TJP1: variants seen among roughly 807,000 people sequenced by gnomAD.
The protein encoded by TJP1 is tight junction protein 1, also known as tight junction protein ZO-1.
Under a neutral mutation model 194.2 loss-of-function variants are expected in TJP1, and 43 were observed. The observed-to-expected ratio is 0.22, with a 90% CI of 0.17 to 0.29. The LOEUF is 0.29. TJP1 is among the 10% of genes least tolerant of loss of function. The pLI is 1.00. For synonymous variants in TJP1, 801 were observed against 779.0 expected (o/e 1.03, Z -0.47); for missense variants, 1,971 against 2,185.7 (o/e 0.90, Z 1.96).
At chr15:29,778,117 G>C (rs761557414) in intron 2 of TJP1, among the ~76,000 whole-genome samples, 1 of 152,098 alleles carries the variant, frequency 6.6e-6, no homozygotes, top group African/African-American at 2.4e-5. Flanking sequence ...AATTACTTGT[G>C]AGCAAGTAAA....
At chr15:29,953,650 C>T (rs923299243) in intron 2 of TJP1, among the ~76,000 whole-genome samples, 8 of 151,938 alleles carry the variant, frequency 5.3e-5, no homozygotes, top group Admixed American at 2.0e-4. Flanking sequence ...ATGAAACATG[C>T]GCATTGTGAA....
intron 26 of TJP1, 75 bp downstream of exon 26, chr15:29,705,453 G>GCTTT: frequency 7.0e-7 from 1 of 1,429,170 alleles, no homozygotes; most frequent in East Asian, 2.4e-5. Flanking sequence ...TATTAGCCAA[G>GCTTT]CACTATAAGC....
chr15:29,771,952 T>C (rs2151633872), intron 4 of TJP1, 112 bp downstream of exon 4: 1 of 655,398 alleles, frequency 1.5e-6, no homozygotes. Context: ...CAAATAACTT[T>C]GGAACTATTG....
At chr15:29,809,085 A>C (rs945196368) in intron 1 of TJP1, among the ~76,000 whole-genome samples, 1 of 152,220 alleles carries the variant, frequency 6.6e-6, no homozygotes, top group Non-Finnish European at 1.5e-5. Context: ...GATATGTATT[A>C]TGATATGCTA....
intron 8 of TJP1, among the ~76,000 whole-genome samples, chr15:29,757,919 C>T (rs1329104720): frequency 1.3e-5 from 2 of 152,156 alleles, no homozygotes; most frequent in African/African-American, 4.8e-5. Context: ...ACCAACCTCT[C>T]CTATTCCTCA....
At chr15:29,908,325 G>A (rs1215978900) in intron 2 of TJP1, among the ~76,000 whole-genome samples, 3 of 152,116 alleles carry the variant, frequency 2.0e-5, no homozygotes, top group Admixed American at 2.0e-4. Flanking sequence ...GTAAAGGACT[G>A]GGATATCAGA....
chr15:29,956,567 A>G (rs569850031), intron 1 of TJP1, among the ~76,000 whole-genome samples: 131 of 152,330 alleles, frequency 8.6e-4, no homozygotes, highest in African/African-American at 3.0e-3. Context: ...TCTTGACAGG[A>G]TTCAAATAGT....
intron 15 of TJP1, among the ~76,000 whole-genome samples, chr15:29,731,805 A>C (rs930468465): frequency 6.9e-6 from 1 of 144,528 alleles, no homozygotes; most frequent in Non-Finnish European, 1.5e-5. Flanking sequence ...TTTGGCTTGG[A>C]AAAAAAAAAA....
At chr15:29,862,860 GGATGGTCGC>G (rs1329208804) in intron 2 of TJP1, among the ~76,000 whole-genome samples, 1 of 150,910 alleles carries the variant, frequency 6.6e-6, no homozygotes, top group Non-Finnish European at 1.5e-5. Flanking sequence ...GTGTTAGCCA[GGATGGTCGC>G]GATCTCCTGA....
At chr15:29,722,063 C>CAT (rs2042962221) in intron 18 of TJP1, among the ~76,000 whole-genome samples, 1 of 152,120 alleles carries the variant, frequency 6.6e-6, no homozygotes, top group Non-Finnish European at 1.5e-5. Context: ...TGAAGCAGAG[C>CAT]ATAAAAGTTT....
chr15:29,868,704 C>T (rs759730705), intron 2 of TJP1, among the ~76,000 whole-genome samples: 2 of 152,112 alleles, frequency 1.3e-5, no homozygotes, highest in Non-Finnish European at 2.9e-5. Context: ...ACAAAATAGC[C>T]CAAGTTTTAA....
At position 29,762,446 on chromosome 15, in the gene TJP1, A is replaced by C. The variant is rs1327395382; in HGVS notation, c.590-8T>G. The C allele has an allele frequency of 6.2e-7, 1 of 1,606,292 alleles. No homozygotes were observed. Among genetic ancestry groups the C allele is most frequent in the South Asian group, 1.1e-5 (1 of 90,646 alleles). ...CCAATCGAAGACCATATTCTGAAATAATGTAAGTAAGTGTTTTTAGTATAA... is the reference window on the plus strand; with the variant it reads ...CCAATCGAAGACCATATTCTGAAATCATGTAAGTAAGTGTTTTTAGTATAA... On this transcript the variant is annotated splice_region_variant and splice_polypyrimidine_tract_variant and intron_variant, in intron 5 of 27. Coordinates refer to ENST00000614355, the MANE Select transcript of TJP1 (RefSeq NM_001330239.4).
chr15:29,808,499 T>C (rs181228391), intron 1 of TJP1, among the ~76,000 whole-genome samples: 140 of 152,284 alleles, frequency 9.2e-4, no homozygotes, highest in African/African-American at 3.1e-3. Context: ...ATTTAAAAAT[T>C]CAAAATAAAG....
At chr15:29,805,548 A>C (rs1469785789) in intron 1 of TJP1, among the ~76,000 whole-genome samples, 3 of 152,112 alleles carry the variant, frequency 2.0e-5, no homozygotes, top group Admixed American at 6.6e-5. Context: ...TCATTCATTC[A>C]TTCAACAAAC....
At chr15:29,787,520 A>C (rs2047775653) in intron 2 of TJP1, among the ~76,000 whole-genome samples, 2 of 152,218 alleles carry the variant, frequency 1.3e-5, no homozygotes, top group Middle Eastern at 3.4e-3. Flanking sequence ...ATCATCTCTC[A>C]ATCCCCTAGC....
chr15:29,877,705 C>A (rs963935317), intron 2 of TJP1, among the ~76,000 whole-genome samples: 1 of 150,558 alleles, frequency 6.6e-6, no homozygotes, highest in South Asian at 2.1e-4. Context: ...GTTGCCCAGG[C>A]TGGAGTGCAG....
intron 16 of TJP1, among the ~76,000 whole-genome samples, chr15:29,727,370 A>C (rs576312112): frequency 3.1e-4 from 47 of 152,250 alleles, no homozygotes; most frequent in African/African-American, 7.7e-4. Context: ...ACAAACCAAA[A>C]CAAAACAAAA....
At chr15:29,773,662 G>A (rs1049185544) in intron 2 of TJP1, among the ~76,000 whole-genome samples, 3 of 152,238 alleles carry the variant, frequency 2.0e-5, no homozygotes, top group Non-Finnish European at 2.9e-5. Context: ...AAGAGGTCCT[G>A]AGGAGACTGG....
At chr15:29,927,653 G>C (rs1401887782) in intron 2 of TJP1, among the ~76,000 whole-genome samples, 3 of 152,180 alleles carry the variant, frequency 2.0e-5, no homozygotes, top group African/African-American at 7.2e-5. Flanking sequence ...GAATGGCCAA[G>C]CCAAGATACT....
Sources: allele counts gnomAD v4.1 joint callset (sites outside exome capture counted in the v4.1 genomes callset), GRCh38; gene constraint gnomAD v4.1.1; transcripts MANE v1.5; gene names NCBI Gene and HGNC (gene_info 2026-07-23, HGNC 2026-07-21).